Variants in NLGN4X observed in about 807,000 individuals in gnomAD.
The protein encoded by NLGN4X is neuroligin-4, X-linked.
A neutral mutation model predicts 40.3 loss-of-function variants in NLGN4X; 3 were observed. The ratio of observed to expected loss-of-function variants is 0.07; its 90% CI spans 0.03 to 0.19. NLGN4X has a LOEUF of 0.19. Among genes scored for constraint, NLGN4X ranks in the 10% least tolerant of loss-of-function variants. The probability of loss-of-function intolerance (pLI) is 1.00; values close to 1 mark genes in which losing one functional copy is unlikely to be tolerated. For missense variants in NLGN4X, 382 were observed against 708.3 expected (o/e 0.54, Z 5.23); for synonymous variants, 270 against 306.8 (o/e 0.88, Z 1.25).
intron 3 of NLGN4X, among the ~76,000 whole-genome samples, chrX:6,022,870 TAA>T (rs953545472): frequency 9.0e-6 from 1 of 111,681 alleles, no homozygotes; most frequent in African/African-American, 3.3e-5. Flanking sequence ...GCATATGGGT[TAA>T]GTCACCCAAA....
intron 3 of NLGN4X, among the ~76,000 whole-genome samples, chrX:5,945,931 C>T (rs1359999314): frequency 1.8e-5 from 2 of 111,752 alleles, no homozygotes; most frequent in African/African-American, 3.3e-5. Context: ...TTCACAAGCA[C>T]ATGGGCAGAA....
At chrX:5,922,136 C>G (rs1033186737) in intron 3 of NLGN4X, among the ~76,000 whole-genome samples, 6 of 111,357 alleles carry the variant, frequency 5.4e-5, no homozygotes, top group Non-Finnish European at 7.5e-5. Flanking sequence ...TTTGCTTTAT[C>G]TGCCAGAAAT....
At chrX:6,062,234 C>T (rs976349812) in intron 2 of NLGN4X, among the ~76,000 whole-genome samples, 4 of 111,502 alleles carry the variant, frequency 3.6e-5, no homozygotes, top group Non-Finnish European at 3.8e-5. Flanking sequence ...GGACTTCCTT[C>T]GATCTCCCAC....
In NLGN4X at chrX:5,892,927, T is replaced by C; in HGVS notation, c.2341A>G (p.Met781Val). ...ATCCCCGTCAGTGTGTTTGGAATCA[T>C]GGTGATGGTGTTTGGCGTCATAAGT... The part of the protein sequence containing the change: ...IPLMTPNTIT[M>V]IPNTLTGMQP... The change falls in exon 6 of 6, where the codon ATG (methionine) becomes GTG (valine). Residue 781 changes from methionine to valine, a missense_variant. Physicochemically the swap from Met to Val is conservative, Grantham distance 21. Coordinates refer to ENST00000381095, the MANE Select transcript of NLGN4X (RefSeq NM_181332.3). The C allele has an allele frequency of 8.3e-7, 1 of 1,211,450 alleles. No individual in the cohort carries two copies. The highest frequency in any genetic ancestry group is 1.1e-6 in the Non-Finnish European group (1 of 895,489).
At chrX:5,955,374 G>A (rs1467387331) in intron 3 of NLGN4X, among the ~76,000 whole-genome samples, 1 of 111,931 alleles carries the variant, frequency 8.9e-6, no homozygotes, top group Non-Finnish European at 1.9e-5. Context: ...GAAAGCTTTC[G>A]TTTTATTTAA....
chrX:5,986,137 A>G (rs1371377362), intron 3 of NLGN4X, among the ~76,000 whole-genome samples: 1 of 112,474 alleles, frequency 8.9e-6, no homozygotes, highest in Non-Finnish European at 1.9e-5. Context: ...AACATACTTC[A>G]ACAGTTTGAG....
chrX:6,164,419 G>A (rs2040459681), intron 1 of NLGN4X, among the ~76,000 whole-genome samples: 1 of 111,886 alleles, frequency 8.9e-6, no homozygotes, highest in Non-Finnish European at 1.9e-5. Context: ...GTTTGAGTAA[G>A]AAAAAAACAC....
intron 3 of NLGN4X, among the ~76,000 whole-genome samples, chrX:5,996,177 C>T (rs1377917955): frequency 4.5e-5 from 5 of 111,941 alleles, no homozygotes; most frequent in African/African-American, 1.6e-4. Flanking sequence ...TTCAAAGCAG[C>T]GCCTCCCCTG....
chrX:6,219,095 A>G (rs1400893282), intron 1 of NLGN4X, among the ~76,000 whole-genome samples: 1 of 55,196 alleles, frequency 1.8e-5, no homozygotes, highest in Non-Finnish European at 3.5e-5. Flanking sequence ...GTTCTTTTGT[A>G]TGAAAAGTAC....
chrX:6,011,612 A>G (rs1052069769), intron 3 of NLGN4X, among the ~76,000 whole-genome samples: 2 of 110,931 alleles, frequency 1.8e-5, no homozygotes, highest in African/African-American at 3.3e-5. Flanking sequence ...TTCTCCATCT[A>G]GGTCCTATAA....
rs2031976510 is a variant in NLGN4X, at chrX:5,903,171, C to T, written c.1507G>A (p.Gly503Ser). The change falls in exon 5 of 6, where the codon GGT becomes AGT. Residue 503 changes from glycine (G) to serine (S), a missense_variant. Gly to Ser is a moderately conservative substitution (Grantham distance 56). This residue lies in a region of NLGN4X where 149 missense variants were observed against 375.8 expected (regional missense o/e 0.40). Coordinates refer to ENST00000381095, the MANE Select transcript of NLGN4X (RefSeq NM_181332.3). ...VPYVFGIPMI[G>S]PTELFSCNFS... Reference sequence around the variant, plus strand: ...TTACAACTGAAGAGCTCGGTGGGACCGATCATGGGGATGCCGAAGACATAG... The same window carrying T: ...TTACAACTGAAGAGCTCGGTGGGACTGATCATGGGGATGCCGAAGACATAG... The T allele has an allele frequency of 3.0e-5, 36 of 1,210,291 alleles. No individual in the cohort carries two copies. Among genetic ancestry groups the T allele is most frequent in the Non-Finnish European group, 3.8e-5 (34 of 895,305 alleles).
At chrX:5,995,866 T>G (rs951526717) in intron 3 of NLGN4X, among the ~76,000 whole-genome samples, 4 of 112,051 alleles carry the variant, frequency 3.6e-5, no homozygotes, top group Non-Finnish European at 7.5e-5. Context: ...TTTCTGACAT[T>G]TTGTATCCCA....
At chrX:6,131,157 G>A (rs1360841443) in intron 2 of NLGN4X, among the ~76,000 whole-genome samples, 1 of 109,813 alleles carries the variant, frequency 9.1e-6, no homozygotes, top group Non-Finnish European at 1.9e-5. Context: ...GCCTAACTTA[G>A]AAAGCAGAAA....
intron 3 of NLGN4X, among the ~76,000 whole-genome samples, chrX:5,978,352 TC>T (rs1205925440): frequency 3.0e-5 from 3 of 99,006 alleles, no homozygotes; most frequent in African/African-American, 1.2e-4. Context: ...TTCCCTTCCT[TC>T]TCTTTCTTTC....
intron 1 of NLGN4X, among the ~76,000 whole-genome samples, chrX:6,222,825 T>G (rs772683827): frequency 3.9e-4 from 44 of 112,020 alleles, no homozygotes; most frequent in African/African-American, 1.3e-3. Flanking sequence ...TCTCACAAGA[T>G]CTGTTGATTT....
chrX:5,991,036 G>A (rs2035668283), intron 3 of NLGN4X, among the ~76,000 whole-genome samples: 1 of 111,493 alleles, frequency 9.0e-6, no homozygotes, highest in South Asian at 3.8e-4. Flanking sequence ...TATTTGGATT[G>A]CAGAATGGTT....
chrX:6,072,237 A>G (rs191003856), intron 2 of NLGN4X, among the ~76,000 whole-genome samples: 30 of 111,068 alleles, frequency 2.7e-4, no homozygotes, highest in African/African-American at 9.8e-4. Context: ...ACTACTTAAG[A>G]CTGCAGATCC....
At chrX:6,206,050 C>G (rs1013386326) in intron 1 of NLGN4X, among the ~76,000 whole-genome samples, 4 of 111,612 alleles carry the variant, frequency 3.6e-5, no homozygotes, top group Non-Finnish European at 7.5e-5. Context: ...GGAGACAGGT[C>G]CAACTCACTC....
intron 1 of NLGN4X, among the ~76,000 whole-genome samples, chrX:6,200,825 C>G (rs1923552544): frequency 9.3e-6 from 1 of 107,223 alleles, no homozygotes; most frequent in Non-Finnish European, 1.9e-5. Context: ...TAGCTGGGAT[C>G]ACAGGCATGT....
Sources: gnomAD v4.1 joint callset for allele counts (sites outside exome capture counted in the v4.1 genomes callset) on GRCh38, gnomAD v4.1.1 for gene constraint, gnomAD v4.1.1 regional missense constraint, MANE v1.5 for transcripts, NCBI Gene and HGNC (gene_info 2026-07-23, HGNC 2026-07-21) for gene names.